TMEM67: variants seen among roughly 807,000 people sequenced by gnomAD.
The protein encoded by TMEM67 is transmembrane protein 67.
Under a neutral mutation model 136.6 loss-of-function variants are expected in TMEM67, and 124 were observed. The ratio of observed to expected loss-of-function variants is 0.91; its 90% CI spans 0.78 to 1.05. TMEM67 has a LOEUF of 1.05. TMEM67 is among the 50% of genes least tolerant of loss of function. The pLI is 0.00. For synonymous variants in TMEM67, 364 were observed against 390.5 expected (o/e 0.93, Z 0.80); for missense variants, 1,107 against 1,178.4 (o/e 0.94, Z 0.89).
Position 93,801,047 on chromosome 8 carries a change from G to T in TMEM67, c.2241+1289G>T, listed in dbSNP as rs114983706. On this transcript the variant is annotated intron_variant, in intron 21 of 27. Coordinates refer to ENST00000453321, the MANE Select transcript of TMEM67 (RefSeq NM_153704.6). The stretch of plus-strand genomic sequence containing the variant: ...GGAAGAAAAGAAAAAGAAAGAAGCA[G>T]CAGCAAGCATCTAACTTTCAGATAC... 6.2e-3 allele frequency among the ~76,000 whole-genome samples: 946 copies of T among 151,776 alleles called. 9 individuals carry two copies. The highest frequency in any genetic ancestry group is 0.022 in the African/African-American group (891 of 41,398).
At chr8:93,761,879 A>G (rs922869818) in intron 3 of TMEM67, 3 of 152,266 alleles carry the variant, frequency 2.0e-5, no homozygotes, top group African/African-American at 7.2e-5. Flanking sequence ...GAAAAGACTC[A>G]TAAGAAACTG....
intron 16 of TMEM67, among the ~76,000 whole-genome samples, chr8:93,794,389 A>G (rs969302974): frequency 6.6e-6 from 1 of 152,202 alleles, no homozygotes; most frequent in Non-Finnish European, 1.5e-5. Context: ...TTTACCATGT[A>G]CCAGGCACTT....
In TMEM67 at chr8:93,799,615, C is replaced by T. The variant is rs1027190979; in HGVS notation, c.2101-3C>T. On this transcript the variant is annotated splice_region_variant and splice_polypyrimidine_tract_variant and intron_variant, in intron 20 of 27. Coordinates refer to ENST00000453321, the MANE Select transcript of TMEM67 (RefSeq NM_153704.6). ...AAATTACTACTTTTCCTTTTTACTC[C>T]AGGTTGTGGGATTCAAGAACTTAGC... The T allele has an allele frequency of 2.5e-6, 4 of 1,613,334 alleles. No individual in the cohort carries two copies. The African/African-American group carries it at 4.0e-5, about 16-fold the overall frequency.
intron 6 of TMEM67, among the ~76,000 whole-genome samples, chr8:93,770,939 C>T (rs1294677752): frequency 1.3e-5 from 2 of 151,646 alleles, no homozygotes; most frequent in Non-Finnish European, 2.9e-5. Flanking sequence ...CGCTTGAACC[C>T]AGGAGACAGA....
At chr8:93,830,575 G>A in the TMEM67 span, among the ~76,000 whole-genome samples, 5 of 152,290 alleles carry the variant, frequency 3.3e-5, no homozygotes, top group Non-Finnish European at 7.4e-5. Flanking sequence ...GTTGGTGTCC[G>A]CTGCAGAACT....
At chr8:93,805,952 A>G (rs1815132125) in intron 23 of TMEM67, among the ~76,000 whole-genome samples, 1 of 152,244 alleles carries the variant, frequency 6.6e-6, no homozygotes, top group Non-Finnish European at 1.5e-5. Flanking sequence ...AGTAGGAAGT[A>G]TATAATTTCA....
chr8:93,832,359 C>G, the TMEM67 span, among the ~76,000 whole-genome samples: 1 of 152,204 alleles, frequency 6.6e-6, no homozygotes, highest in African/African-American at 2.4e-5. Context: ...TCCATTGATA[C>G]AACCACCCCT....
chr8:93,824,423 G>A, the TMEM67 span, among the ~76,000 whole-genome samples: 3 of 152,174 alleles, frequency 2.0e-5, no homozygotes, highest in African/African-American at 7.2e-5. Context: ...AGGGTAAAAG[G>A]CTAGAAGATT....
chr8:93,762,922 C>G (rs1812914834), intron 3 of TMEM67: 1 of 439,898 alleles, frequency 2.3e-6, no homozygotes, highest in South Asian at 1.6e-5. Flanking sequence ...TTACCTGATT[C>G]TTTTTGTTTG....
chr8:93,795,921 T>C lies in TMEM67; in HGVS notation c.1794T>C (p.Val598=), dbSNP rs745563459. 1 of 1,610,632 alleles carries C rather than the reference T, an allele frequency of 6.2e-7. No homozygotes were observed. The highest frequency in any genetic ancestry group is 8.5e-7 in the Non-Finnish European group (1 of 1,176,890). The change falls in exon 18 of 28, where the codon GTT becomes GTC. Residue 598 remains valine, a synonymous_variant. Coordinates refer to ENST00000453321, the MANE Select transcript of TMEM67 (RefSeq NM_153704.6). Reference sequence around the variant, plus strand: ...TATAGGCACAGAAGTCTGTGTCTGTTTTGCTGCCAATGCCAATTCAGGAAG... The same window carrying C: ...TATAGGCACAGAAGTCTGTGTCTGTCTTGCTGCCAATGCCAATTCAGGAAG... ...IFFKAQKSVS[V]LLPMPIQEER... is the part of the protein sequence containing the mutation.
At chr8:93,785,613 C>G (rs551941413) in intron 12 of TMEM67, 6 of 423,298 alleles carry the variant, frequency 1.4e-5, no homozygotes, top group African/African-American at 1.0e-4. Flanking sequence ...AGGGTATATC[C>G]TGAGAAACAT....
Position 93,791,335 on chromosome 8 carries a change from C to G in TMEM67, c.1575+16C>G. On this transcript the variant is annotated intron_variant, in intron 15 of 27. Transcript: ENST00000453321. ...CCAGACAGATGTAAGTTTATTTTAA[C>G]CTTTTAAAATATATACAGTGTATTT... The G allele has an allele frequency of 6.5e-7, 1 of 1,540,170 alleles. No individual in the cohort carries two copies.
At chr8:93,818,206 T>G (rs1225027230), downstream of TMEM67, 2 of 152,248 alleles carry the variant, frequency 1.3e-5, no homozygotes, top group African/African-American at 2.4e-5. Context: ...TTACCCTTTG[T>G]CTATTTCTGT....
chr8:93,767,477 A>G (rs899616098), intron 6 of TMEM67, among the ~76,000 whole-genome samples: 26 of 152,222 alleles, frequency 1.7e-4, no homozygotes, highest in Admixed American at 7.9e-4. Context: ...GATGGTTGCC[A>G]AAGGTTAATT....
intron 20 of TMEM67, among the ~76,000 whole-genome samples, chr8:93,798,433 T>G (rs1199993086): frequency 1.3e-5 from 2 of 152,226 alleles, no homozygotes; most frequent in Non-Finnish European, 2.9e-5. Flanking sequence ...TACTGTAGAC[T>G]ATGTTCTGTG....
chr8:93,814,655 T>TC (rs1808837157), intron 26 of TMEM67, among the ~76,000 whole-genome samples: 1 of 149,484 alleles, frequency 6.7e-6, no homozygotes, highest in African/African-American at 2.4e-5. Context: ...TTTCTTTCTT[T>TC]TTTTTTTTTT....
chr8:93,758,415 G>T (rs1812677440), intron 2 of TMEM67, 68 bp from the exon 3 acceptor site: 1 of 1,198,944 alleles, frequency 8.3e-7, no homozygotes, highest in South Asian at 1.3e-5. Flanking sequence ...ATGGCATTTT[G>T]AACTTACATG....
chr8:93,824,026 T>G (rs1809077121), downstream of TMEM67, among the ~76,000 whole-genome samples: 1 of 152,250 alleles, frequency 6.6e-6, no homozygotes, highest in African/African-American at 2.4e-5. Flanking sequence ...GTCTGCTCCT[T>G]GCTGGGGTCA....
At chr8:93,788,843 C>T (rs749045916) in intron 14 of TMEM67, among the ~76,000 whole-genome samples, 7 of 152,138 alleles carry the variant, frequency 4.6e-5, no homozygotes, top group South Asian at 2.1e-4. Context: ...GGAGGGCCTA[C>T]GTATGGAAGC....
Sources: allele counts gnomAD v4.1 joint callset (sites outside exome capture counted in the v4.1 genomes callset), GRCh38; gene constraint gnomAD v4.1.1; transcripts MANE v1.5; gene names NCBI Gene and HGNC (gene_info 2026-07-23, HGNC 2026-07-21).